ADGRG2: variants seen among roughly 807,000 people sequenced by gnomAD.
ADGRG2 encodes the protein G protein-coupled receptor 64.
Under a neutral mutation model 74.1 loss-of-function variants are expected in ADGRG2, and 26 were observed. The observed-to-expected ratio is 0.35, with a 90% confidence interval of 0.26 to 0.49. The LOEUF is 0.49. ADGRG2 is among the 20% of genes least tolerant of loss of function. ADGRG2 has a pLI of 0.99. For missense variants in ADGRG2, 619 were observed against 763.1 expected (o/e 0.81, Z 2.22); for synonymous variants, 296 against 295.2 (o/e 1.00, Z -0.03).
intron 1 of ADGRG2, among the ~76,000 whole-genome samples, chrX:19,106,861 A>G (rs1428457190): frequency 1.8e-5 from 2 of 109,526 alleles, no homozygotes; most frequent in East Asian, 5.8e-4. Context: ...TGGAGGTTGC[A>G]GTGAGCCGAG....
chrX:19,118,812 C>T (rs1353926195), intron 1 of ADGRG2, among the ~76,000 whole-genome samples: 16 of 112,487 alleles, frequency 1.4e-4, no homozygotes, highest in Non-Finnish European at 3.0e-4. Context: ...TATTCATAAT[C>T]ATCAATAGTT....
In ADGRG2 at chrX:18,999,261, ATTG is replaced by A. The variant is rs763249272; in HGVS notation, c.2346_2348del (p.Asn783del). The A allele has an allele frequency of 3.4e-6, 4 of 1,191,503 alleles. No individual in the cohort carries two copies. The highest frequency in any genetic ancestry group is 2.3e-6 in the Non-Finnish European group (2 of 884,548). ...CCACCACCGTAATGTAGAATACTGC[ATTG>A]TTGTTGATCCAGCAGCTGGAGTTTG... On this transcript the variant is annotated inframe_deletion, in exon 26 of 29. Transcript: ENST00000379869.
chrX:19,008,258 T>C (rs1374999952), intron 18 of ADGRG2, 135 bp from the exon 19 acceptor site: 1 of 446,255 alleles, frequency 2.2e-6, no homozygotes, highest in Non-Finnish European at 3.7e-6. Context: ...AAACCACAAT[T>C]ACTTTTGCAC....
intron 1 of ADGRG2, among the ~76,000 whole-genome samples, chrX:19,094,457 G>A (rs1057421431): frequency 9.0e-6 from 1 of 110,732 alleles, no homozygotes; most frequent in African/African-American, 3.3e-5. Flanking sequence ...CATGGACAAC[G>A]CACGCACATT....
chrX:19,064,312 C>T (rs888551949), intron 3 of ADGRG2, among the ~76,000 whole-genome samples: 4 of 112,684 alleles, frequency 3.5e-5, no homozygotes, highest in African/African-American at 1.3e-4. Context: ...TGTGAGTGCC[C>T]TATAGCGCTG....
intron 28 of ADGRG2, among the ~76,000 whole-genome samples, chrX:18,992,823 C>T (rs1158706154): frequency 8.9e-6 from 1 of 112,361 alleles, no homozygotes; most frequent in Non-Finnish European, 1.9e-5. Flanking sequence ...TCCATGAAAT[C>T]TGATTTCCCA....
intron 13 of ADGRG2, among the ~76,000 whole-genome samples, chrX:19,022,935 G>A (rs1275213271): frequency 8.9e-6 from 1 of 112,365 alleles, no homozygotes; most frequent in African/African-American, 3.2e-5. Context: ...GACTTCAAGT[G>A]ATCTGCCCAC....
intron 3 of ADGRG2, among the ~76,000 whole-genome samples, chrX:19,065,490 A>C (rs2061554774): frequency 9.0e-6 from 1 of 111,460 alleles, no homozygotes; most frequent in Non-Finnish European, 1.9e-5. Flanking sequence ...GTGATCACTC[A>C]GCTTTTCCCT....
rs755753651 is a variant in ADGRG2, at chrX:19,006,203, T to C, written c.1735+17A>G. The C allele has an allele frequency of 1.4e-4, 166 of 1,165,616 alleles. No individual in the cohort carries two copies. The highest frequency in any genetic ancestry group is 1.9e-4 in the Non-Finnish European group (165 of 855,746). The stretch of plus-strand genomic sequence containing the variant: ...TAACCCACTCAAGAGTTTGAAAAGG[T>C]TATGACTGGAACTTACCATTTCTGC... On this transcript the variant is annotated intron_variant, in intron 21 of 28. Coordinates refer to ENST00000379869, the MANE Select transcript of ADGRG2 (RefSeq NM_001079858.3).
chrX:19,083,508 T>C (rs147765079), intron 1 of ADGRG2, among the ~76,000 whole-genome samples: 1 of 111,015 alleles, frequency 9.0e-6, no homozygotes, highest in Non-Finnish European at 1.9e-5. Flanking sequence ...CTCCTTGATA[T>C]CAAGGATTGG....
At chrX:19,059,379 T>A (rs926407042) in intron 3 of ADGRG2, among the ~76,000 whole-genome samples, 1 of 112,000 alleles carries the variant, frequency 8.9e-6, no homozygotes, top group African/African-American at 3.2e-5. Flanking sequence ...GTACTGTTTC[T>A]TTCTGGGTAA....
intron 26 of ADGRG2, among the ~76,000 whole-genome samples, chrX:18,998,492 A>G (rs932338677): frequency 3.2e-4 from 36 of 110,819 alleles, no homozygotes; most frequent in Non-Finnish European, 5.1e-4. Flanking sequence ...AAGGATCTCA[A>G]AGCACTCCCT....
chrX:19,077,078 A>G (rs1430139940), intron 2 of ADGRG2, among the ~76,000 whole-genome samples: 2 of 111,585 alleles, frequency 1.8e-5, no homozygotes, highest in African/African-American at 6.5e-5. Context: ...AATGGGACAT[A>G]TAACTTCCTA....
chrX:19,077,176 AG>A (rs2061761918), intron 2 of ADGRG2, among the ~76,000 whole-genome samples: 1 of 111,019 alleles, frequency 9.0e-6, no homozygotes, highest in Non-Finnish European at 1.9e-5. Flanking sequence ...AAGAATGGTT[AG>A]GAAAAATAGA....
chrX:19,043,044 C>T (rs1335323624), intron 3 of ADGRG2, among the ~76,000 whole-genome samples: 1 of 110,351 alleles, frequency 9.1e-6, no homozygotes, highest in African/African-American at 3.3e-5. Flanking sequence ...TCTCTTTCAT[C>T]ATGAAATGTA....
intron 1 of ADGRG2, among the ~76,000 whole-genome samples, chrX:19,105,694 G>A (rs998759587): frequency 1.8e-5 from 2 of 110,732 alleles, no homozygotes; most frequent in Non-Finnish European, 3.8e-5. Flanking sequence ...AAACCTGCAC[G>A]TTCTGCACAT....
At chrX:19,075,463 T>C (rs1208032234) in intron 2 of ADGRG2, among the ~76,000 whole-genome samples, 1 of 107,518 alleles carries the variant, frequency 9.3e-6, no homozygotes, top group Non-Finnish European at 1.9e-5. Context: ...ACCAAAAATA[T>C]ATAGATTAGC....
At chrX:19,054,231 A>G (rs1211386791) in intron 3 of ADGRG2, among the ~76,000 whole-genome samples, 1 of 112,070 alleles carries the variant, frequency 8.9e-6, no homozygotes, top group African/African-American at 3.2e-5. Flanking sequence ...CTTTGAGAAC[A>G]TGGGAGGAGA....
At chrX:19,100,154 C>T (rs1391799521) in intron 1 of ADGRG2, among the ~76,000 whole-genome samples, 1 of 112,666 alleles carries the variant, frequency 8.9e-6, no homozygotes, top group Admixed American at 9.4e-5. Context: ...TACCTCATAA[C>T]AAACACTACT....
Sources: allele counts gnomAD v4.1 joint callset (sites outside exome capture counted in the v4.1 genomes callset), GRCh38; gene constraint gnomAD v4.1.1; transcripts MANE v1.5; gene names NCBI Gene and HGNC (gene_info 2026-07-23, HGNC 2026-07-21).